BGLAP: variants seen among roughly 807,000 people sequenced by gnomAD.
BGLAP encodes osteocalcin.
In BGLAP, 15 loss-of-function variants were observed where a neutral mutation model predicts 13.7. The ratio of observed to expected loss-of-function variants is 1.09; its 90% confidence interval spans 0.73 to 1.68. BGLAP has a LOEUF of 1.68. Ranked by LOEUF, BGLAP falls within the 40% of genes most tolerant of loss-of-function variation. The probability of loss-of-function intolerance (pLI) is 0.00; values close to 1 mark genes in which losing one functional copy is unlikely to be tolerated. For missense variants in BGLAP, 120 were observed against 134.3 expected (o/e 0.89, Z 0.53); for synonymous variants, 67 against 56.2 (o/e 1.19, Z -0.86).
chr1:156,242,843 G>A lies in BGLAP; in HGVS notation c.173+12G>A, dbSNP rs747850860. The A allele has an allele frequency of 2.5e-6, 4 of 1,584,210 alleles. No homozygotes were observed. In the African/African-American group the frequency reaches 5.4e-5, roughly 21 times the overall value. On this transcript the variant is annotated intron_variant, in intron 3 of 3. Coordinates refer to ENST00000368272, the MANE Select transcript of BGLAP (RefSeq NM_199173.6). ...TATCAATGGCTGGGGTGAGAGAAAA[G>A]GCAGAGCTGGGCCAAGGCCCTGCCT... is the stretch of plus-strand genomic sequence containing the variant.
In BGLAP at chr1:156,243,057, C is replaced by G. The variant is rs1349485727; in HGVS notation, c.198C>G (p.Pro66=). The G allele has an allele frequency of 6.2e-6, 10 of 1,614,166 alleles. No homozygotes were observed. The highest frequency in any genetic ancestry group is 7.6e-6 in the Non-Finnish European group (9 of 1,180,000). ...WLGAPVPYPD[P]LEPRREVCEL... Reference sequence around the variant, plus strand: ...GAGCCCCAGTCCCCTACCCGGATCCCCTGGAGCCCAGGAGGGAGGTGTGTG... The same window carrying G: ...GAGCCCCAGTCCCCTACCCGGATCCGCTGGAGCCCAGGAGGGAGGTGTGTG... The change falls in exon 4 of 4, where the codon CCC becomes CCG. Residue 66 remains proline, a synonymous_variant. Coordinates refer to ENST00000368272, the MANE Select transcript of BGLAP (RefSeq NM_199173.6).
chr1:156,243,257 G>A lies in BGLAP; in HGVS notation c.*95G>A. 1 of 1,568,018 alleles carries A rather than the reference G, an allele frequency of 6.4e-7. No homozygotes were observed. Among genetic ancestry groups the A allele is most frequent in the South Asian group, 1.1e-5 (1 of 87,808 alleles). ...CCCTTGCCCTTGCCCTGACCTCCCA[G>A]CCCTATGGATGTGGGGTCCCCATCA... On this transcript the variant is annotated 3_prime_UTR_variant, in exon 4 of 4. Coordinates refer to ENST00000368272, the MANE Select transcript of BGLAP (RefSeq NM_199173.6).
Position 156,243,072 on chromosome 1 carries a change from G to A in BGLAP, c.213G>A (p.Arg71=). The change falls in exon 4 of 4, where the codon AGG becomes AGA. Residue 71 remains arginine (R), a synonymous_variant. Coordinates refer to ENST00000368272, the MANE Select transcript of BGLAP (RefSeq NM_199173.6). ...ACCCGGATCCCCTGGAGCCCAGGAG[G>A]GAGGTGTGTGAGCTCAATCCGGACT... The part of the protein sequence containing the change: ...VPYPDPLEPR[R]EVCELNPDCD... 4 of 1,614,192 alleles carry A rather than the reference G, an allele frequency of 2.5e-6. No homozygotes were observed. Among genetic ancestry groups the A allele is most frequent in the South Asian group, 1.1e-5 (1 of 91,084 alleles).
intron 1 of BGLAP, 27 bp downstream of exon 1, chr1:156,242,322 C>T (rs775032263): frequency 1.4e-5 from 22 of 1,609,662 alleles, no homozygotes; most frequent in Admixed American, 1.3e-4. Flanking sequence ...CCCCTCAGGC[C>T]GCATTGCAGT....
chr1:156,243,317 A>G lies in BGLAP; in HGVS notation c.*155A>G. On this transcript the variant is annotated 3_prime_UTR_variant, in exon 4 of 4. Transcript: ENST00000368272. ...CTCCCAAATAAACTCCAGAAGAGGAATCTGTGGGCCTGTGAGTCTGTCCAG... is the reference window on the plus strand; with the variant it reads ...CTCCCAAATAAACTCCAGAAGAGGAGTCTGTGGGCCTGTGAGTCTGTCCAG... The G allele has an allele frequency of 7.7e-7, 1 of 1,295,922 alleles. No homozygotes were observed. Among genetic ancestry groups the G allele is most frequent in the Non-Finnish European group, 1.1e-6 (1 of 952,038 alleles). 80.3% of individuals were successfully genotyped at this position (1,295,922 alleles called of 1,614,324 possible).
rs34702397 is a variant in BGLAP at position 156,243,140 on chromosome 1, G to A, written c.281G>A (p.Arg94Gln). 4,047 of 1,614,022 alleles carry A rather than the reference G, an allele frequency of 2.5e-3. 93 individuals are homozygous for A. In the African/African-American group the frequency reaches 0.047, roughly 19 times the overall value. Residue 94 changes from arginine (R) to glutamine (Q), a missense_variant, in exon 4 of 4, where the codon CGG becomes CAG. Arg to Gln is a conservative substitution (Grantham distance 43). Transcript: ENST00000368272. Reference sequence around the variant, plus strand: ...CACATCGGCTTTCAGGAGGCCTATCGGCGCTTCTACGGCCCGGTCTAGGGT... The same window carrying A: ...CACATCGGCTTTCAGGAGGCCTATCAGCGCTTCTACGGCCCGGTCTAGGGT... The part of the protein sequence containing the change: ...ADHIGFQEAY[R>Q]RFYGPV
chr1:156,242,351 GCACCATGGCC>G, intron 1 of BGLAP, 56 bp downstream of exon 1: 4 of 1,592,300 alleles, frequency 2.5e-6, no homozygotes, highest in Non-Finnish European at 3.4e-6. Context: ...AGAGGAGGAA[GCACCATGGCC>G]CACCTCTTCT....
intron 2 of BGLAP, 64 bp from the exon 3 acceptor site, chr1:156,242,698 G>C: frequency 6.2e-7 from 1 of 1,606,728 alleles, no homozygotes; most frequent in Admixed American, 1.7e-5. Flanking sequence ...AGGAAGGCCA[G>C]CCTGCTCCCC....
chr1:156,243,071 G>A lies in BGLAP; in HGVS notation c.212G>A (p.Arg71Lys), dbSNP rs1659573206. 1.2e-6 allele frequency: 2 copies of A among 1,614,084 alleles called. No homozygotes were observed. Among genetic ancestry groups the A allele is most frequent in the Non-Finnish European group, 8.5e-7 (1 of 1,180,028 alleles). ...VPYPDPLEPR[R>K]EVCELNPDCD... ...TACCCGGATCCCCTGGAGCCCAGGA[G>A]GGAGGTGTGTGAGCTCAATCCGGAC... The change falls in exon 4 of 4, where the codon AGG becomes AAG. Residue 71 changes from arginine to lysine, a missense_variant. Coordinates refer to ENST00000368272, the MANE Select transcript of BGLAP (RefSeq NM_199173.6).
Position 156,243,228 on chromosome 1 carries a change from C to T in BGLAP, c.*66C>T. ...TCCTCTCCAGGCACCCTTCTTTCCT[C>T]TTCCCCTTGCCCTTGCCCTGACCTC... is the stretch of plus-strand genomic sequence containing the variant. On this transcript the variant is annotated 3_prime_UTR_variant, in exon 4 of 4. Coordinates refer to ENST00000368272, the MANE Select transcript of BGLAP (RefSeq NM_199173.6). 6.2e-7 allele frequency: 1 copy of T among 1,600,306 alleles called. No individual in the cohort carries two copies. The highest frequency in any genetic ancestry group is 1.7e-5 in the Admixed American group (1 of 59,866).
At position 156,242,915 on chromosome 1, in the gene BGLAP, G is replaced by A. The variant is rs1236551609; in HGVS notation, c.173+84G>A. 1.6e-5 allele frequency: 25 copies of A among 1,575,082 alleles called. 1 individual carries two copies. The Middle Eastern group carries it at 5.1e-4, about 32-fold the overall frequency. On this transcript the variant is annotated intron_variant, in intron 3 of 3. Transcript: ENST00000368272. ...AGCTGCAGCAGGGAGTGGCCTCTCT[G>A]GGTTGTGGTGGGGGTACAGGCAGCC...
chr1:156,243,255 C>T lies in BGLAP; in HGVS notation c.*93C>T. 1.3e-6 allele frequency: 2 copies of T among 1,574,492 alleles called. No homozygotes were observed. Among genetic ancestry groups the T allele is most frequent in the Non-Finnish European group, 1.7e-6 (2 of 1,162,762 alleles). On this transcript the variant is annotated 3_prime_UTR_variant, in exon 4 of 4. Transcript: ENST00000368272. The stretch of plus-strand genomic sequence containing the variant: ...TCCCCTTGCCCTTGCCCTGACCTCC[C>T]AGCCCTATGGATGTGGGGTCCCCAT...
In BGLAP at chr1:156,242,817, G is replaced by T. The variant is rs1205843173; in HGVS notation, c.159G>T (p.Leu53=). 6.3e-7 allele frequency: 1 copy of T among 1,599,306 alleles called. No homozygotes were observed. The highest frequency in any genetic ancestry group is 1.3e-5 in the African/African-American group (1 of 74,634). Residue 53 remains leucine (L), a synonymous_variant, in exon 3 of 4, where the codon CTG becomes CTT. Coordinates refer to ENST00000368272, the MANE Select transcript of BGLAP (RefSeq NM_199173.6). ...TAGTGAAGAGACCCAGGCGCTACCT[G>T]TATCAATGGCTGGGGTGAGAGAAAA... The part of the protein sequence containing the change: ...SEVVKRPRRY[L]YQWLGAPVPY...
chr1:156,242,215 G>T lies in BGLAP; in HGVS notation c.-17G>T, dbSNP rs569593676. On this transcript the variant is annotated 5_prime_UTR_variant, in exon 1 of 4. Transcript: ENST00000368272. ...GCTGAGTCCTGAGCAGCAGCCCAGC[G>T]CAGCCACCGAGACACCATGAGAGCC... 7 of 1,611,386 alleles carry T rather than the reference G, an allele frequency of 4.3e-6. No individual in the cohort carries two copies. The highest frequency in any genetic ancestry group is 5.1e-6 in the Non-Finnish European group (6 of 1,179,704).
chr1:156,242,989 G>T (rs750617932), intron 3 of BGLAP, 44 bp from the exon 4 acceptor site: 1 of 1,612,670 alleles, frequency 6.2e-7, no homozygotes, highest in East Asian at 2.2e-5. Context: ...AGGAGGGATG[G>T]GCATTTTGCA....
chr1:156,242,394 T>A (rs534034090), intron 1 of BGLAP, 99 bp downstream of exon 1: 1 of 1,546,436 alleles, frequency 6.5e-7, no homozygotes, highest in East Asian at 2.4e-5. Context: ...TGGCAGTCCC[T>A]TTGCAGTCTA....
chr1:156,242,667 G>C lies in BGLAP; in HGVS notation c.103+76G>C. ...CCCTCAGTCTCATTCCCCCACTCCT[G>C]CCACCTCCTGTCTGGCCATCAGGAA... On this transcript the variant is annotated intron_variant, in intron 2 of 3. Transcript: ENST00000368272. 3 of 1,608,486 alleles carry C rather than the reference G, an allele frequency of 1.9e-6. No individual in the cohort carries two copies. In the South Asian group the frequency reaches 3.3e-5, roughly 18 times the overall value.
intron 1 of BGLAP, 66 bp downstream of exon 1, chr1:156,242,361 C>G: frequency 6.3e-7 from 1 of 1,581,586 alleles, no homozygotes; most frequent in East Asian, 2.4e-5. Context: ...GCACCATGGC[C>G]CACCTCTTCT....
Position 156,243,272 on chromosome 1 carries a change from G to A in BGLAP, c.*110G>A. The A allele has an allele frequency of 6.5e-7, 1 of 1,536,354 alleles. No individual in the cohort carries two copies. Among genetic ancestry groups the A allele is most frequent in the Non-Finnish European group, 8.8e-7 (1 of 1,139,706 alleles). ...TGACCTCCCAGCCCTATGGATGTGG[G>A]GTCCCCATCATCCCAGCTGCTCCCA... On this transcript the variant is annotated 3_prime_UTR_variant, in exon 4 of 4. Transcript: ENST00000368272.
Sources: gnomAD v4.1 joint callset for allele counts on GRCh38, gnomAD v4.1.1 for gene constraint, MANE v1.5 for transcripts, NCBI Gene and HGNC (gene_info 2026-07-23, HGNC 2026-07-21) for gene names.